Variants in MYH16 observed in about 807,000 individuals in gnomAD.
MYH16 encodes putative uncharacterized protein MYH16.
intron 37 of MYH16, among the ~76,000 whole-genome samples, chr7:99,300,339 A>C (rs1792572853): frequency 6.6e-6 from 1 of 152,216 alleles, no homozygotes; most frequent in Non-Finnish European, 1.5e-5. Flanking sequence ...AACAAAACTC[A>C]TATACCCACT....
chr7:99,292,175 G>A (rs1322059789), intron 31 of MYH16, 137 bp from the exon 13 acceptor site: 2 of 347,810 alleles, frequency 5.8e-6, no homozygotes, highest in Non-Finnish European at 1.2e-5. Flanking sequence ...AAACCCCGAT[G>A]GTTTGGATTG....
intron 12 of MYH16, chr7:99,260,898 C>A (rs1441192963): frequency 6.6e-6 from 1 of 152,116 alleles, no homozygotes; most frequent in African/African-American, 2.4e-5. Flanking sequence ...CATGGTGAAA[C>A]CTCATCTCTA....
At chr7:99,296,146 T>TA (rs1792487185) in intron 33 of MYH16, among the ~76,000 whole-genome samples, 2 of 128,346 alleles carry the variant, frequency 1.6e-5, no homozygotes, top group African/African-American at 5.9e-5. Flanking sequence ...TCCATCTCAA[T>TA]TTAAAAAAAA....
Position 99,276,206 on chromosome 7 carries a change from G to A in MYH16, n.2486-1333G>A, listed in dbSNP as rs144164049. On this transcript the variant is annotated intron_variant and non_coding_transcript_variant, in intron 20 of 41. Coordinates refer to ENST00000439784, the Ensembl canonical transcript of MYH16. ...ATGGTGGTTACTGCAACCTTTTCATGCCAGCTTTGCCACTGTGACATCTCA... is the reference window on the plus strand; with the variant it reads ...ATGGTGGTTACTGCAACCTTTTCATACCAGCTTTGCCACTGTGACATCTCA... Among the ~76,000 whole-genome samples the A allele has an allele frequency of 5.0e-3, 758 of 152,260 alleles. 7 individuals carry two copies. The highest frequency in any genetic ancestry group is 0.019 in the South Asian group (91 of 4,822).
rs978837392 is a variant in MYH16 at position 99,280,391 on chromosome 7, T to G, written n.2888-485T>G. Reference sequence around the variant, plus strand: ...TCATGGTGAAGTGTCCACCTTCAGCTGTTGAATTTCTGCCCAAACAAGCAG... The same window carrying G: ...TCATGGTGAAGTGTCCACCTTCAGCGGTTGAATTTCTGCCCAAACAAGCAG... On this transcript the variant is annotated intron_variant and non_coding_transcript_variant, in intron 22 of 41. Coordinates refer to ENST00000439784, the Ensembl canonical transcript of MYH16. Among the ~76,000 whole-genome samples the G allele has an allele frequency of 3.3e-5, 5 of 152,232 alleles. No homozygotes were observed. The South Asian group carries it at 1.0e-3, about 32-fold the overall frequency.
At chr7:99,297,763 G>C (rs543177626) in exon 35 of MYH16, 39 of 456,240 alleles carry the variant, frequency 8.5e-5, no homozygotes, top group African/African-American at 7.4e-4. Flanking sequence ...AAGAACTCCA[G>C]GTGGCCCTGG....
intron 39 of MYH16, among the ~76,000 whole-genome samples, chr7:99,303,410 T>C (rs1480672436): frequency 6.6e-6 from 1 of 152,246 alleles, no homozygotes; most frequent in East Asian, 1.9e-4. Flanking sequence ...CTCTAGGTGA[T>C]TATGTGAAAG....
chr7:99,248,763 GA>G (rs1791768982), intron 3 of MYH16, among the ~76,000 whole-genome samples: 1 of 152,188 alleles, frequency 6.6e-6, no homozygotes, highest in Non-Finnish European at 1.5e-5. Context: ...CTGGTAGAAA[GA>G]GTGGCTGATA....
chr7:99,254,482 C>A (rs1300641336), intron 8 of MYH16, among the ~76,000 whole-genome samples: 1 of 152,208 alleles, frequency 6.6e-6, no homozygotes, highest in Non-Finnish European at 1.5e-5. Flanking sequence ...CGGGCACCAG[C>A]ACAGGGATCA....
chr7:99,260,402 G>A, intron 12 of MYH16: 1 of 677,614 alleles, frequency 1.5e-6, no homozygotes, highest in Non-Finnish European at 2.5e-6. Context: ...GCACATGCAG[G>A]GAGGTGGCAC....
chr7:99,298,048 A>T (rs939010819), intron 36 of MYH16, 53 bp downstream of exon 17: 23 of 453,906 alleles, frequency 5.1e-5, no homozygotes, highest in Non-Finnish European at 8.9e-5. Flanking sequence ...GATGGAGCAG[A>T]GTCCAGAAAC....
At chr7:99,300,619 C>T (rs1792577098) in intron 37 of MYH16, among the ~76,000 whole-genome samples, 1 of 152,098 alleles carries the variant, frequency 6.6e-6, no homozygotes, top group South Asian at 2.1e-4. Context: ...CTGGCCTGGG[C>T]ATCATAGCGA....
At chr7:99,300,464 C>A (rs962582640) in intron 37 of MYH16, among the ~76,000 whole-genome samples, 3 of 152,148 alleles carry the variant, frequency 2.0e-5, no homozygotes, top group African/African-American at 7.2e-5. Flanking sequence ...CACTTGCTAA[C>A]TGGAGATGTG....
intron 36 of MYH16, among the ~76,000 whole-genome samples, chr7:99,299,067 A>T (rs992230477): frequency 7.3e-6 from 1 of 137,916 alleles, no homozygotes; most frequent in Non-Finnish European, 1.5e-5. Flanking sequence ...CTCTACAAAA[A>T]AAAAATAAAA....
chr7:99,307,275 G>T (rs1010496783), downstream of MYH16, among the ~76,000 whole-genome samples: 1 of 152,090 alleles, frequency 6.6e-6, no homozygotes, highest in African/African-American at 2.4e-5. Flanking sequence ...TTGAATTCAG[G>T]TCTCTAACAC....
chr7:99,276,551 T>C (rs1019729120), intron 20 of MYH16, among the ~76,000 whole-genome samples: 2 of 152,222 alleles, frequency 1.3e-5, no homozygotes, highest in Admixed American at 1.3e-4. Flanking sequence ...AAGGGCCAAG[T>C]GCACAGAGAG....
intron 11 of MYH16, chr7:99,260,101 A>G (rs1791923525): frequency 2.4e-5 from 35 of 1,445,688 alleles, no homozygotes; most frequent in Non-Finnish European, 5.7e-6. Flanking sequence ...GCTTCATTCA[A>G]TCCTGGGAGA....
At chr7:99,295,105 G>A (rs752929860) in intron 33 of MYH16, among the ~76,000 whole-genome samples, 6 of 152,166 alleles carry the variant, frequency 3.9e-5, no homozygotes, top group Non-Finnish European at 7.4e-5. Flanking sequence ...ACGGCCGGGC[G>A]CGGTGGCTCA....
chr7:99,243,020 A>G (rs530320628), intron 1 of MYH16, among the ~76,000 whole-genome samples: 10 of 152,182 alleles, frequency 6.6e-5, no homozygotes, highest in Non-Finnish European at 1.0e-4. Context: ...ATTCCACTTA[A>G]GTTCATATAA....
Sources: gnomAD v4.1 joint callset for allele counts (sites outside exome capture counted in the v4.1 genomes callset) on GRCh38, gnomAD v4.1.1 for gene constraint, MANE v1.5 for transcripts, NCBI Gene and HGNC (gene_info 2026-07-23, HGNC 2026-07-21) for gene names.